TNFAIP6: variants seen among roughly 807,000 people sequenced by gnomAD.
TNFAIP6 encodes the protein tumor necrosis factor-inducible gene 6 protein.
Under a neutral mutation model 33.7 loss-of-function variants are expected in TNFAIP6, and 36 were observed. That is an observed-to-expected ratio of 1.07 (90% CI 0.82 to 1.41). The LOEUF is 1.41. Among genes scored for constraint, TNFAIP6 ranks in the 40% most tolerant of loss-of-function variants. The probability of loss-of-function intolerance (pLI) is 0.00; values close to 1 mark genes in which losing one functional copy is unlikely to be tolerated. For missense variants in TNFAIP6, 273 were observed against 331.9 expected, an observed-to-expected ratio of 0.82 and a Z score of 1.38; for synonymous variants, 113 against 112.8, an observed-to-expected ratio of 1.00 and a Z score of -0.01.
intron 5 of TNFAIP6, among the ~76,000 whole-genome samples, chr2:151,374,892 A>G (rs993671643): frequency 2.0e-5 from 3 of 151,992 alleles, no homozygotes. Flanking sequence ...TTGGGAGGCC[A>G]AGGCAGGCCG....
At chr2:151,376,865 C>CTTTTTTTTTTTTTTTTTTCTTT (rs1684916805) in intron 5 of TNFAIP6, among the ~76,000 whole-genome samples, 1 of 114,164 alleles carries the variant, frequency 8.8e-6, no homozygotes, top group African/African-American at 3.4e-5. Flanking sequence ...TTTTTCTTTT[C>CTTTTTTTTTTTTTTTTTTCTTT]TTTTTTTTTT....
intron 2 of TNFAIP6, among the ~76,000 whole-genome samples, chr2:151,365,235 C>G (rs1467274769): frequency 6.6e-6 from 1 of 152,056 alleles, no homozygotes; most frequent in Admixed American, 6.5e-5. Flanking sequence ...CACAGCTACT[C>G]TAAAGACTGA....
chr2:151,367,605 AT>A (rs1305694714), intron 3 of TNFAIP6, among the ~76,000 whole-genome samples: 1 of 152,166 alleles, frequency 6.6e-6, no homozygotes, highest in Non-Finnish European at 1.5e-5. Context: ...TCCTTTCAGT[AT>A]TTCATTGCCC....
chr2:151,373,719 A>C, intron 5 of TNFAIP6, 130 bp downstream of exon 5: 1 of 423,696 alleles, frequency 2.4e-6, no homozygotes, highest in Non-Finnish European at 4.2e-6. Context: ...CCAACACCAG[A>C]TGCAGCTTGC....
chr2:151,373,917 T>C (rs1684855997), intron 5 of TNFAIP6, among the ~76,000 whole-genome samples: 1 of 152,176 alleles, frequency 6.6e-6, no homozygotes, highest in Non-Finnish European at 1.5e-5. Context: ...AAATTTTTCA[T>C]TGATAAAGGG....
At chr2:151,380,505 T>C (rs1037640866), downstream of TNFAIP6, among the ~76,000 whole-genome samples, 1 of 152,216 alleles carries the variant, frequency 6.6e-6, no homozygotes, top group Non-Finnish European at 1.5e-5. Context: ...AGTTTAAAGA[T>C]CTTAATTGGC....
Position 151,370,029 on chromosome 2 carries a change from G to GT in TNFAIP6, c.405dup (p.Gly136TrpfsTer12). 1 of 1,612,410 alleles carries GT rather than the reference G, an allele frequency of 6.2e-7. No homozygotes were observed. The stretch of plus-strand genomic sequence containing the variant: ...TTTCTTCTCATTTCAGCAAAGGAGT[G>GT]TGGTGGCGTCTTTACAGATCCAAAG... On this transcript the variant is annotated frameshift_variant, in exon 4 of 6. Coordinates refer to ENST00000243347, the MANE Select transcript of TNFAIP6 (RefSeq NM_007115.4). LOFTEE classifies it high-confidence loss of function.
At chr2:151,374,774 CATCTT>C (rs908815834) in intron 5 of TNFAIP6, among the ~76,000 whole-genome samples, 5 of 152,162 alleles carry the variant, frequency 3.3e-5, no homozygotes, top group Admixed American at 2.6e-4. Context: ...TGAAAGAAAA[CATCTT>C]ATTGCTGTAG....
At chr2:151,380,823 G>A (rs918906241), downstream of TNFAIP6, among the ~76,000 whole-genome samples, 2 of 152,176 alleles carry the variant, frequency 1.3e-5, no homozygotes, top group Non-Finnish European at 2.9e-5. Flanking sequence ...ACTTTAGCAT[G>A]AGTGACTCCA....
intron 5 of TNFAIP6, 155 bp downstream of exon 5, chr2:151,373,744 CAAAA>C (rs35356355): frequency 3.3e-5 from 8 of 243,706 alleles, no homozygotes; most frequent in Non-Finnish European, 5.2e-5. Context: ...TTGTAAAATG[CAAAA>C]AAAAAAAAAA....
At chr2:151,361,029 A>G (rs570436898) in intron 1 of TNFAIP6, among the ~76,000 whole-genome samples, 3 of 152,230 alleles carry the variant, frequency 2.0e-5, no homozygotes, top group African/African-American at 4.8e-5. Flanking sequence ...GGAAAACTTA[A>G]AATTATTATT....
At chr2:151,365,082 G>A (rs1172596416) in intron 2 of TNFAIP6, among the ~76,000 whole-genome samples, 1 of 152,170 alleles carries the variant, frequency 6.6e-6, no homozygotes, top group Admixed American at 6.5e-5. Context: ...ATCTGATAGG[G>A]TGCAGTGGTT....
intron 5 of TNFAIP6, among the ~76,000 whole-genome samples, chr2:151,376,010 C>T (rs1014475602): frequency 6.6e-6 from 1 of 152,042 alleles, no homozygotes; most frequent in African/African-American, 2.4e-5. Context: ...TTTTGTGAGG[C>T]CAAGGCGGGT....
At chr2:151,366,802 G>A (rs916392205) in intron 3 of TNFAIP6, among the ~76,000 whole-genome samples, 6 of 152,016 alleles carry the variant, frequency 3.9e-5, no homozygotes, top group Admixed American at 3.3e-4. Context: ...ATTATATACT[G>A]TATATACTAG....
rs75454385 is a variant in TNFAIP6 at position 151,374,141 on chromosome 2, C to G, written c.664+552C>G. Among the ~76,000 whole-genome samples the G allele has an allele frequency of 6.9e-3, 1,052 of 152,260 alleles. 9 individuals are homozygous for G. The highest frequency in any genetic ancestry group is 0.011 in the Non-Finnish European group (755 of 68,016). On this transcript the variant is annotated intron_variant, in intron 5 of 5. Coordinates refer to ENST00000243347, the MANE Select transcript of TNFAIP6 (RefSeq NM_007115.4). ...AAACAATATCAAACAGGTTTCTTCA[C>G]TGGAAGACAGCAGGGATCTTTTAAT... is the stretch of plus-strand genomic sequence containing the variant.
At position 151,366,236 on chromosome 2, in the gene TNFAIP6, T is replaced by C; in HGVS notation, c.394+19T>C. The stretch of plus-strand genomic sequence containing the variant: ...CCACACGGTGTGTTAAAAATAATAA[T>C]TTTATGTTTTGCAAAAACAGTTCCA... On this transcript the variant is annotated intron_variant, in intron 3 of 5. Transcript: ENST00000243347. The C allele has an allele frequency of 6.2e-7, 1 of 1,609,446 alleles. No homozygotes were observed. The highest frequency in any genetic ancestry group is 8.5e-7 in the Non-Finnish European group (1 of 1,176,418).
intron 2 of TNFAIP6, among the ~76,000 whole-genome samples, chr2:151,364,485 A>G (rs1684680077): frequency 6.6e-6 from 1 of 152,222 alleles, no homozygotes; most frequent in Non-Finnish European, 1.5e-5. Flanking sequence ...TACTTGGTAG[A>G]GAAATATTGA....
intron 3 of TNFAIP6, among the ~76,000 whole-genome samples, chr2:151,369,495 T>G (rs1684774767): frequency 6.6e-6 from 1 of 152,010 alleles, no homozygotes; most frequent in Admixed American, 6.6e-5. Context: ...AATTCATGGC[T>G]GGGCACAGTG....
chr2:151,365,177 CA>C lies in TNFAIP6; in HGVS notation c.233-871del, dbSNP rs534981045. On this transcript the variant is annotated intron_variant, in intron 2 of 5. Coordinates refer to ENST00000243347, the MANE Select transcript of TNFAIP6 (RefSeq NM_007115.4). ...GCAACATAGCGAAACCTCATCTCTA[CA>C]AAAAAAATTAAAAAATTAGCCAGGT... Among the ~76,000 whole-genome samples, 198 of 151,896 alleles carry C rather than the reference CA, an allele frequency of 1.3e-3. 1 individual carries two copies. The highest frequency in any genetic ancestry group is 4.6e-3 in the African/African-American group (191 of 41,414).
Sources: gnomAD v4.1 joint callset for allele counts (sites outside exome capture counted in the v4.1 genomes callset) on GRCh38, gnomAD v4.1.1 for gene constraint, MANE v1.5 for transcripts, NCBI Gene and HGNC (gene_info 2026-07-23, HGNC 2026-07-21) for gene names.